The following MED21 variants were observed in gnomAD, a reference collection of about 807,000 sequenced individuals.
The protein encoded by MED21 is mediator of RNA polymerase II transcription subunit 21.
In MED21, 9 loss-of-function variants were observed where a neutral mutation model predicts 18.2. The ratio of observed to expected loss-of-function variants is 0.49; its 90% CI spans 0.30 to 0.86. The LOEUF is 0.86. Among genes scored for constraint, MED21 ranks in the 40% least tolerant of loss-of-function variants. The pLI is 0.07. For missense variants in MED21, 150 were observed against 170.9 expected (o/e 0.88, Z 0.68); for synonymous variants, 73 against 60.5 (o/e 1.21, Z -0.96).
In MED21 at chr12:27,028,387, G is replaced by A. The variant is rs763600402; in HGVS notation, c.361G>A (p.Ala121Thr). ...CATGCTTCTGGAGAAGATACAAAGC[G>A]CACTTGCTGATATTGCACAGTCACA... Reference protein sequence around the residue: ...GDMLLEKIQSALADIAQSQLK... With the variant: ...GDMLLEKIQSTLADIAQSQLK... Residue 121 changes from alanine to threonine, a missense_variant, in exon 4 of 4, where the codon GCA (alanine) becomes ACA (threonine). Physicochemically the swap from Ala to Thr is moderately conservative, Grantham distance 58. Coordinates refer to ENST00000282892, the MANE Select transcript of MED21 (RefSeq NM_004264.5). The A allele has an allele frequency of 1.9e-6, 3 of 1,613,968 alleles. No individual in the cohort carries two copies. Among genetic ancestry groups the A allele is most frequent in the Non-Finnish European group, 1.7e-6 (2 of 1,179,996 alleles).
intron 1 of MED21, among the ~76,000 whole-genome samples, chr12:27,023,453 C>T (rs769280184): frequency 1.3e-5 from 2 of 151,848 alleles, no homozygotes; most frequent in Admixed American, 6.6e-5. Context: ...CCCTCCACCA[C>T]GCCCGGCTAA....
In MED21 at chr12:27,029,089, T is replaced by C. The variant is rs764961609; in HGVS notation, c.*628T>C. ...TGTCAAGAGAATTTCCTGGCTGTTGTGAAAGAATTTTTCTACATCCTGAAC... is the reference window on the plus strand; with the variant it reads ...TGTCAAGAGAATTTCCTGGCTGTTGCGAAAGAATTTTTCTACATCCTGAAC... On this transcript the variant is annotated 3_prime_UTR_variant, in exon 4 of 4. Coordinates refer to ENST00000282892, the MANE Select transcript of MED21 (RefSeq NM_004264.5). 1 of 985,440 alleles carries C rather than the reference T, an allele frequency of 1.0e-6. No homozygotes were observed. Among genetic ancestry groups the C allele is most frequent in the Non-Finnish European group, 1.2e-6 (1 of 829,924 alleles). The allele number at this position is 985,440 out of a possible 1,614,324, so 61.0% of individuals were successfully genotyped here. A position where few individuals can be genotyped will look rare whatever the true frequency, so the allele number is the denominator to read the frequency against.
In MED21 at chr12:27,029,799, G is replaced by C; in HGVS notation, c.*1338G>C. Reference sequence around the variant, plus strand: ...TCATTATAGTTTTGGGGGGAGAGAAGATTCAGTCAGAAAACTTATTCAAAG... The same window carrying C: ...TCATTATAGTTTTGGGGGGAGAGAACATTCAGTCAGAAAACTTATTCAAAG... On this transcript the variant is annotated 3_prime_UTR_variant, in exon 4 of 4. Coordinates refer to ENST00000282892, the MANE Select transcript of MED21 (RefSeq NM_004264.5). The C allele has an allele frequency of 1.0e-6, 1 of 990,514 alleles. No individual in the cohort carries two copies. The highest frequency in any genetic ancestry group is 1.2e-6 in the Non-Finnish European group (1 of 833,058). The allele number at this position is 990,514 out of a possible 1,614,324, so 61.4% of individuals were successfully genotyped here.
rs749648279 is a variant in MED21 at position 27,030,219 on chromosome 12, C to T, written c.*1758C>T. 3.1e-6 allele frequency: 2 copies of T among 639,490 alleles called. No individual in the cohort carries two copies. The highest frequency in any genetic ancestry group is 3.4e-5 in the South Asian group (2 of 58,516). The allele number at this position is 639,490 out of a possible 1,614,324, so 39.6% of individuals were successfully genotyped here. A position where few individuals can be genotyped will look rare whatever the true frequency, so the allele number is the denominator to read the frequency against. On this transcript the variant is annotated 3_prime_UTR_variant, in exon 4 of 4. Coordinates refer to ENST00000282892, the MANE Select transcript of MED21 (RefSeq NM_004264.5). ...GTGATCATGGCTCACTGCAGCTTCA[C>T]CCTGGGTTCAGGTGATCCTCCCACT... is the stretch of plus-strand genomic sequence containing the variant.
downstream of MED21, among the ~76,000 whole-genome samples, chr12:27,035,718 T>G (rs1287714099): frequency 6.6e-6 from 1 of 151,718 alleles, no homozygotes; most frequent in East Asian, 1.9e-4. Flanking sequence ...CATAGTTTGC[T>G]GAGAATGATG....
chr12:27,028,571 A>G lies in MED21; in HGVS notation c.*110A>G, dbSNP rs1941575528. The G allele has an allele frequency of 4.2e-6, 6 of 1,412,638 alleles. No homozygotes were observed. The African/African-American group carries it at 4.3e-5, about 10-fold the overall frequency. The allele number at this position is 1,412,638 out of a possible 1,614,324, so 87.5% of individuals were successfully genotyped here. A position where few individuals can be genotyped will look rare whatever the true frequency, so the allele number is the denominator to read the frequency against. On this transcript the variant is annotated 3_prime_UTR_variant, in exon 4 of 4. Coordinates refer to ENST00000282892, the MANE Select transcript of MED21 (RefSeq NM_004264.5). ...AACAATTACAGAAACATTAAACACT[A>G]TGACACATTACCTTTTTAGCTATTT...
At chr12:27,034,516 A>G (rs1420989327), downstream of MED21, among the ~76,000 whole-genome samples, 2 of 152,228 alleles carry the variant, frequency 1.3e-5, no homozygotes, top group African/African-American at 4.8e-5. Flanking sequence ...ACACAATCAC[A>G]GTTCATTGCA....
intron 1 of MED21, 41 bp from the exon 2 acceptor site, chr12:27,026,379 A>G (rs774945707): frequency 1.6e-5 from 21 of 1,332,908 alleles, no homozygotes; most frequent in Non-Finnish European, 2.0e-5. Context: ...CTTAAAACTG[A>G]TAAGTCCTTT....
At chr12:27,023,422 A>AACAG (rs1255031775) in intron 1 of MED21, among the ~76,000 whole-genome samples, 1 of 148,022 alleles carries the variant, frequency 6.8e-6, no homozygotes, top group African/African-American at 2.5e-5. Flanking sequence ...GTCTGAGCCA[A>AACAG]AGTAGCTGGG....
Position 27,026,410 on chromosome 12 carries a change from T to C in MED21, c.43-10T>C, listed in dbSNP as rs1941545176. 6.3e-7 allele frequency: 1 copy of C among 1,586,326 alleles called. No individual in the cohort carries two copies. Among genetic ancestry groups the C allele is most frequent in the African/African-American group, 1.3e-5 (1 of 74,226 alleles). ...CCTTTCTAACCTTGATATGTTTTCT[T>C]TGGCCTAAGCTTGCAGATCAGTTTT... On this transcript the variant is annotated splice_polypyrimidine_tract_variant and intron_variant, in intron 1 of 3. Transcript: ENST00000282892.
chr12:27,029,955 A>G lies in MED21; in HGVS notation c.*1494A>G. 3.3e-6 allele frequency: 1 copy of G among 305,148 alleles called. No homozygotes were observed. The highest frequency in any genetic ancestry group is 1.7e-4 in the East Asian group (1 of 5,852). The allele number at this position is 305,148 out of a possible 1,614,324, so 18.9% of individuals were successfully genotyped here. ...AAAGAATTCAAGGGAAGCTTTTTAAAAAGAAGGGAAGTTATAGCAGAAGGA... is the reference window on the plus strand; with the variant it reads ...AAAGAATTCAAGGGAAGCTTTTTAAGAAGAAGGGAAGTTATAGCAGAAGGA... On this transcript the variant is annotated 3_prime_UTR_variant, in exon 4 of 4. Coordinates refer to ENST00000282892, the MANE Select transcript of MED21 (RefSeq NM_004264.5).
chr12:27,026,967 C>T (rs1393168121), intron 2 of MED21, among the ~76,000 whole-genome samples: 1 of 151,942 alleles, frequency 6.6e-6, no homozygotes, highest in Non-Finnish European at 1.5e-5. Flanking sequence ...CTCGCTCTGT[C>T]ACCTAGGCTG....
rs1175806989 is a variant in MED21 at position 27,029,838 on chromosome 12, T to C, written c.*1377T>C. ...ACTTATTCAAAGTACCTAAGTATTA[T>C]AAAGGAGTCAAAAAGGTACAAAGAG... On this transcript the variant is annotated 3_prime_UTR_variant, in exon 4 of 4. Transcript: ENST00000282892. The C allele has an allele frequency of 2.0e-6, 2 of 1,004,442 alleles. No individual in the cohort carries two copies. Among genetic ancestry groups the C allele is most frequent in the Non-Finnish European group, 2.4e-6 (2 of 840,482 alleles). 62.2% of individuals were successfully genotyped at this position (1,004,442 alleles called of 1,614,324 possible).
chr12:27,024,781 T>G (rs1438474836), intron 1 of MED21, among the ~76,000 whole-genome samples: 12 of 152,162 alleles, frequency 7.9e-5, no homozygotes, highest in Admixed American at 7.2e-4. Context: ...TTAAAAAATG[T>G]CAAATACTCA....
At position 27,028,582 on chromosome 12, in the gene MED21, C is replaced by T; in HGVS notation, c.*121C>T. ...AAACATTAAACACTATGACACATTA[C>T]CTTTTTAGCTATTTTTAATAGTCTT... On this transcript the variant is annotated 3_prime_UTR_variant, in exon 4 of 4. Coordinates refer to ENST00000282892, the MANE Select transcript of MED21 (RefSeq NM_004264.5). The T allele has an allele frequency of 7.4e-7, 1 of 1,355,482 alleles. No homozygotes were observed. The highest frequency in any genetic ancestry group is 2.5e-5 in the East Asian group (1 of 40,150). The allele number at this position is 1,355,482 out of a possible 1,614,324, so 84.0% of individuals were successfully genotyped here. A position where few individuals can be genotyped will look rare whatever the true frequency, so the allele number is the denominator to read the frequency against.
intron 1 of MED21, among the ~76,000 whole-genome samples, chr12:27,025,962 C>T (rs1023451155): frequency 4.5e-4 from 68 of 152,304 alleles, no homozygotes; most frequent in African/African-American, 1.6e-3. Context: ...ACACTTGTAA[C>T]TACTCCAGTC....
chr12:27,026,607 G>T, intron 2 of MED21, 73 bp downstream of exon 2: 1 of 969,388 alleles, frequency 1.0e-6, no homozygotes, highest in Non-Finnish European at 1.6e-6. Context: ...TAGATTTCTT[G>T]AGAAATTCAG....
At chr12:27,035,073 G>C (rs1408085404), downstream of MED21, among the ~76,000 whole-genome samples, 1 of 152,142 alleles carries the variant, frequency 6.6e-6, no homozygotes, top group African/African-American at 2.4e-5. Context: ...TAATTAGCCC[G>C]GTTTGGTAGT....
chr12:27,033,277 G>GGT (rs1342512190), downstream of MED21, among the ~76,000 whole-genome samples: 1 of 151,786 alleles, frequency 6.6e-6, no homozygotes, highest in Non-Finnish European at 1.5e-5. Flanking sequence ...TGGCAGGTCT[G>GGT]GTGTCTGGTG....
Sources: gnomAD v4.1 joint callset for allele counts (sites outside exome capture counted in the v4.1 genomes callset) on GRCh38, gnomAD v4.1.1 for gene constraint, MANE v1.5 for transcripts, NCBI Gene and HGNC (gene_info 2026-07-23, HGNC 2026-07-21) for gene names.